HPD: variants seen among roughly 807,000 people sequenced by gnomAD.
HPD encodes the protein 4-hydroxyphenylpyruvate dioxygenase, also known as 4-hydroxyphenylpyruvic acid oxidase.
In HPD, 35 loss-of-function variants were observed where a neutral mutation model predicts 56.9. That is an observed-to-expected ratio of 0.62 (90% confidence interval 0.47 to 0.82). The LOEUF (loss-of-function observed/expected upper bound fraction) is 0.82. HPD is among the 40% of genes least tolerant of loss of function. HPD has a pLI of 0.00. For missense variants in HPD, 442 were observed against 506.8 expected (o/e 0.87, Z 1.23); for synonymous variants, 186 against 200.2 (o/e 0.93, Z 0.60).
intron 4 of HPD, 92 bp downstream of exon 4, chr12:121,857,236 T>G (rs932720311): frequency 2.3e-6 from 2 of 856,158 alleles, no homozygotes; most frequent in Admixed American, 1.8e-5. Context: ...CCCACCATCA[T>G]GCCCAGCTAA....
At chr12:121,871,141 C>T in the HPD span, among the ~76,000 whole-genome samples, 2 of 151,976 alleles carry the variant, frequency 1.3e-5, no homozygotes, top group African/African-American at 2.4e-5. Context: ...GCAGACAGAT[C>T]GCTTGAGCCT....
In HPD at chr12:121,849,794, C is replaced by T. The variant is rs534922913; in HGVS notation, c.415-4G>A. The T allele has an allele frequency of 3.4e-4, 542 of 1,606,354 alleles. 4 individuals carry two copies. The South Asian group carries it at 4.9e-3, about 15-fold the overall frequency. On this transcript the variant is annotated splice_region_variant and splice_polypyrimidine_tract_variant and intron_variant, in intron 7 of 13. Coordinates refer to ENST00000289004, the MANE Select transcript of HPD (RefSeq NM_002150.3). ...GGGTGTGTGTGGTGTCCCCATACTA[C>T]GGGTGGAAAACAGCCTGGCTCGGCC...
At chr12:121,847,660 C>T (rs1592918093) in intron 9 of HPD, among the ~76,000 whole-genome samples, 1 of 152,194 alleles carries the variant, frequency 6.6e-6, no homozygotes, top group Admixed American at 6.5e-5. Flanking sequence ...GCCTCAGCCT[C>T]CCAAGTAGCT....
At chr12:121,850,894 GC>G (rs1036621563) in intron 7 of HPD, among the ~76,000 whole-genome samples, 6 of 142,054 alleles carry the variant, frequency 4.2e-5, no homozygotes, top group African/African-American at 1.6e-4. Flanking sequence ...ACAGAGCTCC[GC>G]TCTTGTTGCC....
At chr12:121,860,133 G>A (rs866883663), upstream of HPD, among the ~76,000 whole-genome samples, 1 of 152,142 alleles carries the variant, frequency 6.6e-6, no homozygotes, top group Non-Finnish European at 1.5e-5. Context: ...CCTCCAGCCT[G>A]GGTGACAGAG....
intron 12 of HPD, 78 bp downstream of exon 12, chr12:121,843,632 T>A: frequency 6.4e-7 from 1 of 1,566,198 alleles, no homozygotes; most frequent in Non-Finnish European, 8.7e-7. Context: ...CCCTCCGGGC[T>A]GAGACAATAT....
upstream of HPD, among the ~76,000 whole-genome samples, chr12:121,863,271 A>T (rs1295963527): frequency 1.3e-5 from 2 of 152,202 alleles, no homozygotes; most frequent in African/African-American, 4.8e-5. Context: ...GGCGTGAGCC[A>T]CTGCGCCCAG....
rs779859130 is a variant in HPD at position 121,856,332 on chromosome 12, T to C, written c.316A>G (p.Ile106Val). Residue 106 changes from isoleucine (I) to valine (V), a missense_variant, in exon 6 of 14, where the codon ATC becomes GTC. Coordinates refer to ENST00000289004, the MANE Select transcript of HPD (RefSeq NM_002150.3). The part of the protein sequence containing the change: ...IAFEVEDCDY[I>V]VQKARERGAK... ...CCCAGGTGCTTTCTTACCTGCACGA[T>C]GTAGTCACAATCTTCCACCTCGAAC... is the stretch of plus-strand genomic sequence containing the variant. The C allele has an allele frequency of 6.2e-6, 10 of 1,613,712 alleles. No individual in the cohort carries two copies. The highest frequency in any genetic ancestry group is 2.7e-5 in the African/African-American group (2 of 74,916).
chr12:121,862,555 C>T (rs1878203902), upstream of HPD, among the ~76,000 whole-genome samples: 1 of 148,242 alleles, frequency 6.7e-6, no homozygotes, highest in African/African-American at 2.5e-5. Flanking sequence ...CCTCGGCCTC[C>T]CAAAGTGCTG....
the HPD span, among the ~76,000 whole-genome samples, chr12:121,884,314 C>T: frequency 1.3e-5 from 2 of 151,984 alleles, no homozygotes; most frequent in Non-Finnish European, 2.9e-5. Flanking sequence ...AGGTGTGTGC[C>T]GCTGTGCCCG....
At chr12:121,876,339 A>G in the HPD span, among the ~76,000 whole-genome samples, 1 of 152,058 alleles carries the variant, frequency 6.6e-6, no homozygotes, top group Non-Finnish European at 1.5e-5. Flanking sequence ...CTGGCCCACA[A>G]ACTTCCTGGA....
chr12:121,866,231 G>A (rs1002143822), upstream of HPD, among the ~76,000 whole-genome samples: 1 of 151,198 alleles, frequency 6.6e-6, no homozygotes, highest in African/African-American at 2.4e-5. Context: ...AACTCGGGAG[G>A]CAGAGCTTGC....
intron 11 of HPD, among the ~76,000 whole-genome samples, chr12:121,844,808 G>A (rs1306615085): frequency 2.0e-5 from 3 of 151,930 alleles, no homozygotes; most frequent in East Asian, 1.9e-4. Flanking sequence ...GTAAACCCGG[G>A]AGGCAGAGCT....
chr12:121,861,492 A>C (rs1375776657), upstream of HPD, among the ~76,000 whole-genome samples: 1 of 151,854 alleles, frequency 6.6e-6, no homozygotes, highest in Non-Finnish European at 1.5e-5. Context: ...ACAGAATGAG[A>C]CCCTGTCTCA....
chr12:121,874,414 C>G, the HPD span: 1 of 151,950 alleles, frequency 6.6e-6, no homozygotes, highest in African/African-American at 2.4e-5. Context: ...GTCAGGAGTT[C>G]GAGGCCAGCC....
At position 121,858,848 on chromosome 12, in the gene HPD, C is replaced by T. The variant is rs761392598; in HGVS notation, c.-25G>A. On this transcript the variant is annotated 5_prime_UTR_variant, in exon 1 of 14. Coordinates refer to ENST00000289004, the MANE Select transcript of HPD (RefSeq NM_002150.3). ...TGATTGATCTTAGTCAAACCTCCTA[C>T]TGGGACTAGAGGCCTGGGGAGTGCT... 1 of 1,613,960 alleles carries T rather than the reference C, an allele frequency of 6.2e-7. No homozygotes were observed. The highest frequency in any genetic ancestry group is 8.5e-7 in the Non-Finnish European group (1 of 1,179,952).
rs577030218 is a variant in HPD at position 121,839,668 on chromosome 12, C to A, written c.*60G>T. ...GGGAGCAGCCAGTAGGGAAGTTGGG[C>A]GAGTTCCAGAATCAGGGGGCGTGGC... On this transcript the variant is annotated 3_prime_UTR_variant, in exon 14 of 14. Transcript: ENST00000289004. The A allele has an allele frequency of 7.9e-6, 10 of 1,258,304 alleles. No individual in the cohort carries two copies. The African/African-American group carries it at 1.0e-4, about 13-fold the overall frequency. 77.9% of individuals were successfully genotyped at this position (1,258,304 alleles called of 1,614,324 possible).
At chr12:121,865,160 C>T (rs879329149), upstream of HPD, among the ~76,000 whole-genome samples, 7 of 151,528 alleles carry the variant, frequency 4.6e-5, no homozygotes, top group African/African-American at 1.7e-4. Flanking sequence ...TTCGGCTACT[C>T]GGGAGGGTGA....
At chr12:121,858,971 GC>G, upstream of HPD, 2 of 869,564 alleles carry the variant, frequency 2.3e-6, no homozygotes, top group Non-Finnish European at 1.9e-6. Context: ...AAGGTTCCAG[GC>G]CTGGGGACCT....
Sources: gnomAD v4.1 joint callset for allele counts (sites outside exome capture counted in the v4.1 genomes callset) on GRCh38, gnomAD v4.1.1 for gene constraint, MANE v1.5 for transcripts, NCBI Gene and HGNC (gene_info 2026-07-23, HGNC 2026-07-21) for gene names.